The following ABTB2 variants were observed in gnomAD, a reference collection of about 807,000 sequenced individuals.
ABTB2 encodes ankyrin repeat and BTB domain containing 2.
ABTB2 carries 56 observed loss-of-function variants against 104.1 expected under a neutral mutation model. The ratio of observed to expected loss-of-function variants is 0.54; its 90% CI spans 0.43 to 0.67. The LOEUF is 0.67. Among genes scored for constraint, ABTB2 ranks in the 30% least tolerant of loss-of-function variants. ABTB2 has a pLI of 0.00. For missense variants in ABTB2, 1,279 were observed against 1,407.7 expected (o/e 0.91, Z 1.46); for synonymous variants, 606 against 608.2 (o/e 1.00, Z 0.05).
intron 1 of ABTB2, among the ~76,000 whole-genome samples, chr11:34,295,622 A>G (rs933953321): frequency 1.3e-5 from 2 of 152,206 alleles, no homozygotes; most frequent in African/African-American, 4.8e-5. Context: ...GACCATGACC[A>G]TGCCTTAGTC....
chr11:34,152,998 C>A (rs1752026081), intron 16 of ABTB2, among the ~76,000 whole-genome samples: 1 of 152,324 alleles, frequency 6.6e-6, no homozygotes, highest in South Asian at 2.1e-4. Flanking sequence ...AGGTCAAGAT[C>A]TCTGCAGTGC....
At chr11:34,235,741 A>T (rs1853833889) in intron 1 of ABTB2, among the ~76,000 whole-genome samples, 1 of 152,204 alleles carries the variant, frequency 6.6e-6, no homozygotes, top group African/African-American at 2.4e-5. Flanking sequence ...GCAACAAGTG[A>T]TCCATCGCTA....
At chr11:34,315,417 G>A (rs115680783) in intron 1 of ABTB2, among the ~76,000 whole-genome samples, 344 of 152,316 alleles carry the variant, frequency 2.3e-3, no homozygotes, top group African/African-American at 8.0e-3. Flanking sequence ...TTGGCTTTCC[G>A]AGGTTTAGAA....
At position 34,152,400 on chromosome 11, in the gene ABTB2, G is replaced by A; in HGVS notation, c.3065C>T (p.Thr1022Ile). Residue 1022 changes from threonine to isoleucine, a missense_variant, in exon 17 of 17, where the codon ACC (threonine) becomes ATC (isoleucine). Coordinates refer to ENST00000435224, the MANE Select transcript of ABTB2 (RefSeq NM_145804.3). ...CCGCCCCCTGCCTCACACCCGGGAGGTGATGTAGACAGAGTGCACGCGCTC... is the reference window on the plus strand; with the variant it reads ...CCGCCCCCTGCCTCACACCCGGGAGATGATGTAGACAGAGTGCACGCGCTC... ...LAERVHSVYI[T>I]SRV is the part of the protein sequence containing the mutation. 6.4e-7 allele frequency: 1 copy of A among 1,570,950 alleles called. No individual in the cohort carries two copies. Among genetic ancestry groups the A allele is most frequent in the Non-Finnish European group, 8.6e-7 (1 of 1,159,188 alleles).
In ABTB2 at chr11:34,220,053, C is replaced by T. The variant is rs150240331; in HGVS notation, c.884-15363G>A. Reference sequence around the variant, plus strand: ...TATCTCATAGTTAAGCAACAATATGCAATACCAGAGGGACTGAAGGGGTGG... The same window carrying T: ...TATCTCATAGTTAAGCAACAATATGTAATACCAGAGGGACTGAAGGGGTGG... On this transcript the variant is annotated intron_variant, in intron 1 of 16. Coordinates refer to ENST00000435224, the MANE Select transcript of ABTB2 (RefSeq NM_145804.3). Among the ~76,000 whole-genome samples, 451 of 152,296 alleles carry T rather than the reference C, an allele frequency of 3.0e-3. 4 individuals are homozygous for T. The highest frequency in any genetic ancestry group is 0.014 in the Middle Eastern group (4 of 294).
At position 34,197,426 on chromosome 11, in the gene ABTB2, G is replaced by A. The variant is rs202174579; in HGVS notation, c.1143C>T (p.Pro381=). ...RQPPQPITWS[P]DALHTLYYFL... Reference sequence around the variant, plus strand: ...AGTAGTAGAGCGTGTGGAGGGCGTCGGGGGACCAAGTGATGGGCTGTGGCG... The same window carrying A: ...AGTAGTAGAGCGTGTGGAGGGCGTCAGGGGACCAAGTGATGGGCTGTGGCG... The change falls in exon 3 of 17, where the codon CCC becomes CCT. Residue 381 remains proline, a synonymous_variant. Transcript: ENST00000435224. 2.9e-4 allele frequency: 462 copies of A among 1,607,232 alleles called. No individual in the cohort carries two copies. The highest frequency in any genetic ancestry group is 3.7e-4 in the Non-Finnish European group (432 of 1,175,528).
intron 1 of ABTB2, among the ~76,000 whole-genome samples, chr11:34,324,817 C>T (rs1041147945): frequency 1.3e-5 from 2 of 152,194 alleles, no homozygotes. Flanking sequence ...CACAAAGACG[C>T]ACAAAGACAC....
At chr11:34,215,039 T>A (rs2133046902) in intron 1 of ABTB2, among the ~76,000 whole-genome samples, 1 of 152,298 alleles carries the variant, frequency 6.6e-6, no homozygotes, top group East Asian at 1.9e-4. Context: ...CAGGTGGTGG[T>A]GACTCAGGCA....
chr11:34,173,038 G>C (rs1353574325), intron 4 of ABTB2, 117 bp downstream of exon 4: 4 of 1,303,284 alleles, frequency 3.1e-6, no homozygotes, highest in Non-Finnish European at 3.2e-6. Flanking sequence ...CAGCTCAAAT[G>C]TGCTGCAGCC....
At chr11:34,321,255 C>A (rs1240720476) in intron 1 of ABTB2, among the ~76,000 whole-genome samples, 1 of 152,226 alleles carries the variant, frequency 6.6e-6, no homozygotes, top group East Asian at 1.9e-4. Context: ...TGAACAGCTG[C>A]GTATTTCTTA....
chr11:34,165,196 C>CAGG, intron 8 of ABTB2, 64 bp downstream of exon 8: 1 of 1,436,036 alleles, frequency 7.0e-7, no homozygotes, highest in Non-Finnish European at 9.4e-7. Context: ...CAGCTACATG[C>CAGG]CTGGCCAGGC....
intron 1 of ABTB2, among the ~76,000 whole-genome samples, chr11:34,214,323 AC>A (rs1362948363): frequency 1.3e-5 from 2 of 152,006 alleles, no homozygotes; most frequent in Non-Finnish European, 2.9e-5. Context: ...TGCTTTCCAA[AC>A]TTTTTATAAT....
At chr11:34,335,921 G>T in intron 1 of ABTB2, 1 of 697,044 alleles carries the variant, frequency 1.4e-6, no homozygotes, top group Non-Finnish European at 2.5e-6. Context: ...AAAGGCTTTG[G>T]GATTGCCAAC....
chr11:34,154,791 G>C lies in ABTB2; in HGVS notation c.2698-22C>G, dbSNP rs1852598729. 6.2e-7 allele frequency: 1 copy of C among 1,612,870 alleles called. No homozygotes were observed. Among genetic ancestry groups the C allele is most frequent in the Admixed American group, 1.7e-5 (1 of 59,964 alleles). On this transcript the variant is annotated intron_variant, in intron 14 of 16. Transcript: ENST00000435224. The surrounding 1 kb of genome is among the most constrained non-coding windows in gnomAD (Gnocchi z 4.9). The stretch of plus-strand genomic sequence containing the variant: ...TCATCTGTGGTGGGAAGAGGCCCAT[G>C]TGAATGCCACGTGAACCTGAGGCAT...
chr11:34,154,982 C>T lies in ABTB2; in HGVS notation c.2698-213G>A, dbSNP rs564761844. On this transcript the variant is annotated intron_variant, in intron 14 of 16. Coordinates refer to ENST00000435224, the MANE Select transcript of ABTB2 (RefSeq NM_145804.3). This position sits in a 1 kb window ranked among gnomAD's most constrained non-coding sequence, Gnocchi z 4.9. Reference sequence around the variant, plus strand: ...AGACCCTCTCTCCTGAGTCCCTGCCCGGATAACAGGCTCTCTCCTTGGAAT... The same window carrying T: ...AGACCCTCTCTCCTGAGTCCCTGCCTGGATAACAGGCTCTCTCCTTGGAAT... 2.0e-5 allele frequency among the ~76,000 whole-genome samples: 3 copies of T among 152,284 alleles called. No individual in the cohort carries two copies. Among genetic ancestry groups the T allele is most frequent in the South Asian group, 2.1e-4 (1 of 4,822 alleles).
chr11:34,326,294 C>A (rs1038025668), intron 1 of ABTB2, among the ~76,000 whole-genome samples: 1 of 152,004 alleles, frequency 6.6e-6, no homozygotes, highest in Non-Finnish European at 1.5e-5. Context: ...GAGATATAGT[C>A]AAAACACATA....
intron 1 of ABTB2, among the ~76,000 whole-genome samples, chr11:34,262,737 T>C (rs1183540300): frequency 5.3e-5 from 8 of 152,154 alleles, no homozygotes; most frequent in Admixed American, 4.6e-4. Flanking sequence ...GTGACAATAA[T>C]GCAATACTGT....
chr11:34,321,759 A>G (rs1467239712), intron 1 of ABTB2, among the ~76,000 whole-genome samples: 1 of 152,216 alleles, frequency 6.6e-6, no homozygotes, highest in East Asian at 1.9e-4. Context: ...GTTCGCATAT[A>G]CCATTCAAGT....
At chr11:34,271,992 A>G (rs556015138) in intron 1 of ABTB2, among the ~76,000 whole-genome samples, 2 of 152,244 alleles carry the variant, frequency 1.3e-5, no homozygotes, top group African/African-American at 2.4e-5. Flanking sequence ...CAGAACATCC[A>G]TATACCAGGT....
Sources: allele counts gnomAD v4.1 joint callset (sites outside exome capture counted in the v4.1 genomes callset), GRCh38; gene constraint gnomAD v4.1.1; non-coding constraint Gnocchi (gnomAD v3.1); transcripts MANE v1.5; gene names NCBI Gene and HGNC (gene_info 2026-07-23, HGNC 2026-07-21).